The following ZNF383 variants were observed in gnomAD, a reference collection of about 807,000 sequenced individuals.
ZNF383 encodes zinc finger protein 383.
ZNF383 carries 32 observed loss-of-function variants against 44.2 expected under a neutral mutation model. The ratio of observed to expected loss-of-function variants is 0.72; its 90% confidence interval spans 0.55 to 0.97. The LOEUF (loss-of-function observed/expected upper bound fraction) is 0.97, where lower values mean the gene tolerates loss of function less well. Among genes scored for constraint, ZNF383 ranks in the 50% least tolerant of loss-of-function variants. The pLI is 0.00. For missense variants in ZNF383, 487 were observed against 562.5 expected (o/e 0.87, Z 1.36); for synonymous variants, 155 against 186.2 (o/e 0.83, Z 1.36).
rs745751850 is a variant in ZNF383 at position 37,243,424 on chromosome 19, T to C, written c.1188T>C (p.Cys396=). ...ACGCTGGTGAGAAACCCTTTGAATG[T>C]CTTGAATGTGGGAAGGCCTTTACTC... The part of the protein sequence containing the change: ...RIHAGEKPFE[C]LECGKAFTQN... Residue 396 remains cysteine, a synonymous_variant, in exon 6 of 6, where the codon TGT becomes TGC. Transcript: ENST00000684119. The C allele has an allele frequency of 1.2e-6, 2 of 1,614,168 alleles. No individual in the cohort carries two copies. Among genetic ancestry groups the C allele is most frequent in the Non-Finnish European group, 1.7e-6 (2 of 1,180,020 alleles).
chr19:37,227,744 G>C (rs1272200629), intron 2 of ZNF383: 1 of 152,366 alleles, frequency 6.6e-6, no homozygotes. Flanking sequence ...CCAGTGATCG[G>C]TAAGGTCGCG....
At chr19:37,234,535 G>A (rs574257210) in intron 3 of ZNF383, among the ~76,000 whole-genome samples, 9 of 152,066 alleles carry the variant, frequency 5.9e-5, no homozygotes, top group South Asian at 4.1e-4. Context: ...GACTACAGGC[G>A]CCCGCCACCA....
At position 37,235,545 on chromosome 19, in the gene ZNF383, T is replaced by C; in HGVS notation, c.10-4T>C. 6.2e-7 allele frequency: 1 copy of C among 1,614,078 alleles called. No homozygotes were observed. Among genetic ancestry groups the C allele is most frequent in the Non-Finnish European group, 8.5e-7 (1 of 1,179,956 alleles). The stretch of plus-strand genomic sequence containing the variant: ...ACAAGTAATACGTATGTTTATTGTT[T>C]CAGGGATCAGTGATGTTCAGTGATG... On this transcript the variant is annotated splice_region_variant and splice_polypyrimidine_tract_variant and intron_variant, in intron 3 of 5. Transcript: ENST00000684119.
intron 5 of ZNF383, among the ~76,000 whole-genome samples, chr19:37,239,526 C>T (rs1008832511): frequency 2.0e-5 from 3 of 152,064 alleles, no homozygotes; most frequent in East Asian, 1.9e-4. Context: ...TGGGGAAAAG[C>T]TTGGTGTGTT....
intron 1 of ZNF383, among the ~76,000 whole-genome samples, chr19:37,222,249 G>A (rs1229352547): frequency 1.3e-5 from 2 of 151,776 alleles, no homozygotes; most frequent in Non-Finnish European, 2.9e-5. Flanking sequence ...TAATATGAAT[G>A]TATTCTGTAA....
chr19:37,221,024 GT>G (rs1327530845), intron 1 of ZNF383, among the ~76,000 whole-genome samples: 1 of 152,146 alleles, frequency 6.6e-6, no homozygotes, highest in Non-Finnish European at 1.5e-5. Context: ...CTGTGAAAAT[GT>G]TTTTACAAGT....
Position 37,231,422 on chromosome 19 carries a change from G to A in ZNF383, c.9+960G>A, listed in dbSNP as rs1973481988. Among the ~76,000 whole-genome samples the A allele has an allele frequency of 2.6e-5, 4 of 152,240 alleles. No homozygotes were observed. The South Asian group carries it at 8.3e-4, about 32-fold the overall frequency. On this transcript the variant is annotated intron_variant, in intron 3 of 5. Transcript: ENST00000684119. ...TTCCTGTAGTCCCAGCTACTTGGGA[G>A]GCTGAGGCAGGAGAATCCTTGAACC...
At chr19:37,230,549 T>C in intron 3 of ZNF383, 87 bp downstream of exon 3, 1 of 1,484,474 alleles carries the variant, frequency 6.7e-7, no homozygotes, top group Non-Finnish European at 9.3e-7. Context: ...ATCCTGACAT[T>C]TCTGGCTAAC....
Position 37,247,683 on chromosome 19 carries a change from A to AG in ZNF383, c.*4019_*4020insG, listed in dbSNP as rs1974416235. The AG allele has an allele frequency of 6.6e-6, 1 of 152,070 alleles. No homozygotes were observed. The highest frequency in any genetic ancestry group is 2.4e-5 in the African/African-American group (1 of 41,424). The allele number at this position is 152,070 out of a possible 1,614,324, so 9.4% of individuals were successfully genotyped here. A position where few individuals can be genotyped will look rare whatever the true frequency, so the allele number is the denominator to read the frequency against. ...CCCTCATCTCTACAGAAAAAAAAAA[A>AG]AATTAAAACAACAAACTTAAAAGTT... On this transcript the variant is annotated 3_prime_UTR_variant, in exon 6 of 6. Coordinates refer to ENST00000684119, the MANE Select transcript of ZNF383 (RefSeq NM_001387601.1).
chr19:37,232,503 G>A (rs1599792032), intron 3 of ZNF383, among the ~76,000 whole-genome samples: 2 of 151,978 alleles, frequency 1.3e-5, no homozygotes, highest in South Asian at 4.1e-4. Flanking sequence ...AAAAAATAAG[G>A]TCATGATGCA....
In ZNF383 at chr19:37,243,691, C is replaced by A; in HGVS notation, c.*27C>A. On this transcript the variant is annotated 3_prime_UTR_variant, in exon 6 of 6. Coordinates refer to ENST00000684119, the MANE Select transcript of ZNF383 (RefSeq NM_001387601.1). ...AAAAATTAAAGCCCCTGTCACCTTCCTCATATTTTAAACCAAAAATCATGT... is the reference window on the plus strand; with the variant it reads ...AAAAATTAAAGCCCCTGTCACCTTCATCATATTTTAAACCAAAAATCATGT... The A allele has an allele frequency of 7.0e-7, 1 of 1,435,498 alleles. No individual in the cohort carries two copies. The highest frequency in any genetic ancestry group is 9.3e-7 in the Non-Finnish European group (1 of 1,075,458). The allele number at this position is 1,435,498 out of a possible 1,614,324, so 88.9% of individuals were successfully genotyped here.
chr19:37,222,472 G>C (rs1400464794), intron 1 of ZNF383, among the ~76,000 whole-genome samples: 3 of 152,084 alleles, frequency 2.0e-5, no homozygotes, highest in Non-Finnish European at 4.4e-5. Flanking sequence ...CACCTCCTGG[G>C]TTCAAGCGAT....
chr19:37,228,873 A>G lies in ZNF383; in HGVS notation c.-45-1536A>G, dbSNP rs969774577. ...TAATTATTGTATGTAAAAAAAAATT[A>G]TTTTATTCGCCCACCTTTTTTGTGC... On this transcript the variant is annotated intron_variant, in intron 2 of 5. Transcript: ENST00000684119. Among the ~76,000 whole-genome samples the G allele has an allele frequency of 1.7e-4, 26 of 152,108 alleles. No individual in the cohort carries two copies. The East Asian group carries it at 4.0e-3, about 24-fold the overall frequency.
chr19:37,224,735 T>C (rs1973078808), intron 1 of ZNF383, 83 bp from the exon 2 acceptor site: 1 of 151,202 alleles, frequency 6.6e-6, no homozygotes, highest in African/African-American at 2.4e-5. Flanking sequence ...TTTTTTTTTT[T>C]CAATGATTTT....
chr19:37,239,975 T>G (rs1036283994), intron 5 of ZNF383, among the ~76,000 whole-genome samples: 2 of 151,946 alleles, frequency 1.3e-5, no homozygotes, highest in African/African-American at 4.8e-5. Flanking sequence ...CTGGCCAACA[T>G]GGTGAAACCC....
intron 2 of ZNF383, chr19:37,225,176 A>T (rs561256195): frequency 6.6e-6 from 1 of 150,672 alleles, no homozygotes; most frequent in Non-Finnish European, 1.5e-5. Context: ...GCTCACTGCA[A>T]CCTCTGCCTC....
chr19:37,238,761 G>A (rs182932227), intron 5 of ZNF383, among the ~76,000 whole-genome samples: 5 of 152,280 alleles, frequency 3.3e-5, no homozygotes, highest in Non-Finnish European at 7.3e-5. Flanking sequence ...TGTGGACCTT[G>A]AATTTTACTC....
At chr19:37,241,326 C>T (rs1264447757) in intron 5 of ZNF383, among the ~76,000 whole-genome samples, 1 of 152,066 alleles carries the variant, frequency 6.6e-6, no homozygotes, top group East Asian at 1.9e-4. Context: ...AAGGGGTTTC[C>T]AAGGTCTCAG....
In ZNF383 at chr19:37,230,438, T is replaced by C; in HGVS notation, c.-16T>C. 1 of 1,613,426 alleles carries C rather than the reference T, an allele frequency of 6.2e-7. No individual in the cohort carries two copies. The highest frequency in any genetic ancestry group is 8.5e-7 in the Non-Finnish European group (1 of 1,179,708). ...ACGGCCTCAAGGAAGACTAACCATC[T>C]GCAATACTAGAAGCCATGGCTGAGG... is the stretch of plus-strand genomic sequence containing the variant. On this transcript the variant is annotated 5_prime_UTR_variant, in exon 3 of 6. Coordinates refer to ENST00000684119, the MANE Select transcript of ZNF383 (RefSeq NM_001387601.1).
Sources: allele counts gnomAD v4.1 joint callset (sites outside exome capture counted in the v4.1 genomes callset), GRCh38; gene constraint gnomAD v4.1.1; transcripts MANE v1.5; gene names NCBI Gene and HGNC (gene_info 2026-07-23, HGNC 2026-07-21).